Variants in FAM110B observed in about 807,000 individuals in gnomAD.
FAM110B encodes family with sequence similarity 110 member B, also known as protein FAM110B.
A neutral mutation model predicts 20.4 loss-of-function variants in FAM110B; 6 were observed. That is an observed-to-expected ratio of 0.29 (90% confidence interval 0.16 to 0.58). FAM110B has a LOEUF of 0.58. FAM110B is among the 20% of genes least tolerant of loss of function. The pLI is 0.90. For missense variants in FAM110B, 434 were observed against 498.2 expected, an observed-to-expected ratio of 0.87 and a Z score of 1.23; for synonymous variants, 226 against 214.1, an observed-to-expected ratio of 1.06 and a Z score of -0.49.
At chr8:58,078,796 C>T (rs955102766) in intron 3 of FAM110B, among the ~76,000 whole-genome samples, 3 of 151,574 alleles carry the variant, frequency 2.0e-5, no homozygotes, top group Admixed American at 6.6e-5. Flanking sequence ...GTGATCCGCC[C>T]GCCTCAGCCT....
intron 3 of FAM110B, among the ~76,000 whole-genome samples, chr8:58,142,290 A>T (rs1023689752): frequency 4.6e-5 from 7 of 152,206 alleles, no homozygotes; most frequent in Non-Finnish European, 1.0e-4. Context: ...CTCAAAGGCA[A>T]CAAACAGCAT....
intron 3 of FAM110B, among the ~76,000 whole-genome samples, chr8:58,118,418 GTTATC>G: frequency 6.6e-6 from 1 of 152,298 alleles, no homozygotes; most frequent in African/African-American, 2.4e-5. Flanking sequence ...CCCAAAACGG[GTTATC>G]TTTTTTGAAG....
intron 1 of FAM110B, among the ~76,000 whole-genome samples, chr8:57,997,096 G>GTAT (rs750866720): frequency 6.6e-6 from 1 of 152,140 alleles, no homozygotes; most frequent in Non-Finnish European, 1.5e-5. Context: ...CGAAGGCATG[G>GTAT]TATTAACTCT....
At chr8:58,035,829 T>G (rs932600698) in intron 2 of FAM110B, among the ~76,000 whole-genome samples, 5 of 152,194 alleles carry the variant, frequency 3.3e-5, no homozygotes, top group Admixed American at 6.5e-5. Context: ...AAGTTTAGGA[T>G]GCCGATGGGC....
chr8:58,020,075 A>G (rs556091208), intron 1 of FAM110B, among the ~76,000 whole-genome samples: 3 of 152,210 alleles, frequency 2.0e-5, no homozygotes, highest in African/African-American at 7.2e-5. Context: ...ACAAAGTCCA[A>G]TTAGCAAGCC....
intron 2 of FAM110B, 31 bp downstream of exon 2, chr8:58,031,734 C>T (rs955450138): frequency 6.6e-6 from 1 of 152,178 alleles, no homozygotes; most frequent in African/African-American, 2.4e-5. Flanking sequence ...TTATTAAAAT[C>T]ATGTAGGAAT....
chr8:58,137,690 A>G lies in FAM110B; in HGVS notation c.-324-8217A>G, dbSNP rs1401207381. ...TAGGAATCATGGTTATCAATGTTCC[A>G]TAAATGAGGAAACTCAGGTACACTA... is the stretch of plus-strand genomic sequence containing the variant. On this transcript the variant is annotated intron_variant, in intron 3 of 3. Coordinates refer to ENST00000519262, the MANE Select transcript of FAM110B (RefSeq NM_001377989.1). Among the ~76,000 whole-genome samples, 3 of 152,210 alleles carry G rather than the reference A, an allele frequency of 2.0e-5. No homozygotes were observed. The East Asian group carries it at 5.8e-4, about 29-fold the overall frequency.
chr8:58,121,014 C>T (rs566702048), intron 3 of FAM110B, among the ~76,000 whole-genome samples: 4 of 152,296 alleles, frequency 2.6e-5, no homozygotes, highest in East Asian at 1.9e-4. Context: ...AGGGATGTAA[C>T]GGTGAATAAT....
At chr8:58,122,137 A>C (rs1241862212) in intron 3 of FAM110B, among the ~76,000 whole-genome samples, 1 of 152,160 alleles carries the variant, frequency 6.6e-6, no homozygotes, top group Non-Finnish European at 1.5e-5. Context: ...AATGATTATT[A>C]TCTCTTAAAA....
At chr8:58,006,917 A>ATTTTTTTTTTT (rs199509693) in intron 1 of FAM110B, among the ~76,000 whole-genome samples, 1 of 84,176 alleles carries the variant, frequency 1.2e-5, no homozygotes, top group South Asian at 4.1e-4. Context: ...ATATATATAT[A>ATTTTTTTTTTT]TATATATTTT....
chr8:58,145,116 TG>T (rs1467168646), intron 3 of FAM110B, among the ~76,000 whole-genome samples: 1 of 152,180 alleles, frequency 6.6e-6, no homozygotes, highest in Non-Finnish European at 1.5e-5. Context: ...TCATTAAGTA[TG>T]AAAAATTATG....
chr8:58,004,660 G>C (rs1226654124), intron 1 of FAM110B, among the ~76,000 whole-genome samples: 2 of 152,242 alleles, frequency 1.3e-5, no homozygotes, highest in East Asian at 3.9e-4. Flanking sequence ...CAGGAGAATT[G>C]CTTGAGCCCG....
At chr8:58,011,213 C>T (rs1208129530) in intron 1 of FAM110B, among the ~76,000 whole-genome samples, 1 of 152,150 alleles carries the variant, frequency 6.6e-6, no homozygotes, top group East Asian at 1.9e-4. Context: ...ACAACGTTGC[C>T]TGTGGATTGA....
At chr8:58,006,705 C>T (rs1007431983) in intron 1 of FAM110B, among the ~76,000 whole-genome samples, 5 of 150,858 alleles carry the variant, frequency 3.3e-5, no homozygotes, top group South Asian at 2.1e-4. Flanking sequence ...CAGGTTCAAG[C>T]GATTATCCTG....
intron 3 of FAM110B, among the ~76,000 whole-genome samples, chr8:58,143,836 A>C (rs1803795807): frequency 6.6e-6 from 1 of 152,198 alleles, no homozygotes; most frequent in Admixed American, 6.5e-5. Context: ...GAAGAGAAGC[A>C]CAGGCCTGCA....
intron 2 of FAM110B, among the ~76,000 whole-genome samples, chr8:58,038,691 G>T (rs1166337004): frequency 2.0e-5 from 3 of 152,000 alleles, no homozygotes; most frequent in Middle Eastern, 3.2e-3. Flanking sequence ...GGCAAAGGTT[G>T]CTGTGAGCCA....
At chr8:58,111,638 GA>G (rs953244094) in intron 3 of FAM110B, among the ~76,000 whole-genome samples, 22 of 150,508 alleles carry the variant, frequency 1.5e-4, no homozygotes, top group South Asian at 4.2e-4. Context: ...TTTAAAAAAA[GA>G]AAAAAAAACT....
chr8:57,999,043 T>G (rs1804241432), intron 1 of FAM110B, among the ~76,000 whole-genome samples: 1 of 152,186 alleles, frequency 6.6e-6, no homozygotes, highest in South Asian at 2.1e-4. Context: ...AAGCCTTGTT[T>G]TTTGTTGTTG....
At chr8:58,121,768 T>C (rs1236508214) in intron 3 of FAM110B, among the ~76,000 whole-genome samples, 1 of 152,222 alleles carries the variant, frequency 6.6e-6, no homozygotes, top group Non-Finnish European at 1.5e-5. Context: ...TCCTGCCATA[T>C]GCCTTTGAAT....
Sources: gnomAD v4.1 joint callset for allele counts (sites outside exome capture counted in the v4.1 genomes callset) on GRCh38, gnomAD v4.1.1 for gene constraint, MANE v1.5 for transcripts, NCBI Gene and HGNC (gene_info 2026-07-23, HGNC 2026-07-21) for gene names.